Variants in SYNE1 observed in about 807,000 individuals in gnomAD.
SYNE1 encodes the protein nesprin-1.
A neutral mutation model predicts 1,111.0 loss-of-function variants in SYNE1; 616 were observed. The ratio of observed to expected loss-of-function variants is 0.55; its 90% CI spans 0.52 to 0.59. SYNE1 has a LOEUF of 0.59. Ranked by LOEUF, SYNE1 falls within the 20% of genes least tolerant of loss-of-function variation. The probability of loss-of-function intolerance (pLI) is 0.00; values close to 1 mark genes in which losing one functional copy is unlikely to be tolerated. For synonymous variants in SYNE1, 3,855 were observed against 3,825.8 expected (o/e 1.01, Z -0.28); for missense variants, 10,006 against 10,417.0 (o/e 0.96, Z 1.72).
At chr6:152,313,545 G>A (rs1167720088) in intron 87 of SYNE1, among the ~76,000 whole-genome samples, 6 of 149,578 alleles carry the variant, frequency 4.0e-5, no homozygotes, top group African/African-American at 1.5e-4. Flanking sequence ...TCACTGCAAC[G>A]GCTGCCTCCC....
intron 145 of SYNE1, chr6:152,126,495 C>G (rs1000291944): frequency 2.6e-5 from 4 of 152,138 alleles, no homozygotes; most frequent in African/African-American, 4.8e-5. Flanking sequence ...ACATGGATGC[C>G]AGTTTAGATT....
chr6:152,336,341 C>A (rs1485637887), intron 76 of SYNE1: 3 of 194,032 alleles, frequency 1.5e-5, no homozygotes, highest in Non-Finnish European at 3.2e-5. Flanking sequence ...TCCCTGGCAC[C>A]AAATGATGTT....
At chr6:152,307,058 C>T (rs760778431) in intron 91 of SYNE1, among the ~76,000 whole-genome samples, 3 of 152,122 alleles carry the variant, frequency 2.0e-5, no homozygotes, top group Non-Finnish European at 2.9e-5. Flanking sequence ...TTGGATCTTC[C>T]TAGATGGGAT....
intron 39 of SYNE1, among the ~76,000 whole-genome samples, chr6:152,420,991 C>T (rs775579330): frequency 2.0e-5 from 3 of 152,148 alleles, no homozygotes; most frequent in Non-Finnish European, 4.4e-5. Flanking sequence ...TCACAGGACA[C>T]AATTGGAAAC....
At chr6:152,345,857 A>G (rs995702378) in intron 73 of SYNE1, among the ~76,000 whole-genome samples, 5 of 152,178 alleles carry the variant, frequency 3.3e-5, no homozygotes, top group African/African-American at 1.2e-4. Context: ...CTAAAACATT[A>G]AGAATTCTGT....
intron 3 of SYNE1, among the ~76,000 whole-genome samples, chr6:152,601,086 G>A (rs373416551): frequency 2.0e-5 from 3 of 152,158 alleles, no homozygotes; most frequent in East Asian, 1.9e-4. Flanking sequence ...TTCTCCCTCT[G>A]AGAAGTGAGG....
intron 145 of SYNE1, among the ~76,000 whole-genome samples, chr6:152,124,566 T>A (rs889060266): frequency 6.6e-6 from 1 of 152,248 alleles, no homozygotes; most frequent in African/African-American, 2.4e-5. Flanking sequence ...TCGATGTTTT[T>A]GTCTTCTACT....
At chr6:152,310,074 G>A in intron 89 of SYNE1, 57 bp from the exon 90 acceptor site, 1 of 1,543,424 alleles carries the variant, frequency 6.5e-7, no homozygotes, top group South Asian at 1.2e-5. Context: ...TATTTCATAA[G>A]CAAAAGGCAC....
chr6:152,251,487 G>A (rs902678147), intron 104 of SYNE1, among the ~76,000 whole-genome samples: 13 of 151,998 alleles, frequency 8.6e-5, no homozygotes, highest in Admixed American at 2.0e-4. Flanking sequence ...GGCCGGGCGC[G>A]GTGGCTCACG....
chr6:152,391,382 C>T lies in SYNE1; in HGVS notation c.7899G>A (p.Leu2633=). 1.2e-6 allele frequency: 2 copies of T among 1,614,050 alleles called. No individual in the cohort carries two copies. Among genetic ancestry groups the T allele is most frequent in the Non-Finnish European group, 1.7e-6 (2 of 1,179,996 alleles). The change falls in exon 52 of 146, where the codon CTG becomes CTA. Residue 2633 remains leucine (L), a synonymous_variant. Transcript: ENST00000367255. The part of the protein sequence containing the change: ...LQEHEALEEA[L]QSMWFWVKAI... ...CCTTCACCCAGAACCACATGCTTTG[C>T]AGTGCTTCCTCCAGGGCTTCGTGCT... is the stretch of plus-strand genomic sequence containing the variant.
chr6:152,535,331 T>C (rs535962210), intron 4 of SYNE1, among the ~76,000 whole-genome samples: 12 of 152,336 alleles, frequency 7.9e-5, no homozygotes, highest in African/African-American at 2.6e-4. Context: ...AATAATGTTT[T>C]ATAAATTTTT....
chr6:152,341,218 A>G (rs1176511451), intron 74 of SYNE1, among the ~76,000 whole-genome samples: 3 of 152,208 alleles, frequency 2.0e-5, no homozygotes, highest in Non-Finnish European at 4.4e-5. Context: ...GTGCACAAGT[A>G]CCACATCATG....
rs148295255 is a variant in SYNE1 at position 152,471,598 on chromosome 6, A to G, written c.1631T>C (p.Val544Ala). The G allele has an allele frequency of 6.8e-6, 11 of 1,613,696 alleles. No homozygotes were observed. The highest frequency in any genetic ancestry group is 9.3e-6 in the Non-Finnish European group (11 of 1,179,750). ...ESVEQLLQNY[V>A]SFIENSKFFE... ...TCTGTCAAAGCACGGGGGACTCACCACGTAGTTTTGTAGAAGCTGCTCCAC... is the reference window on the plus strand; with the variant it reads ...TCTGTCAAAGCACGGGGGACTCACCGCGTAGTTTTGTAGAAGCTGCTCCAC... Residue 544 changes from valine (V) to alanine (A), a missense_variant and splice_region_variant, in exon 16 of 146, where the codon GTG (valine) becomes GCG (alanine). Val to Ala is a moderately conservative substitution (Grantham distance 64, BLOSUM62 0). Around this residue, in one of 7 missense-constraint regions of SYNE1, gnomAD observed 1,971 missense variants for 2,084.1 expected, o/e 0.95. Transcript: ENST00000367255.
At chr6:152,231,983 A>T in intron 113 of SYNE1, 133 bp downstream of exon 113, 3 of 648,658 alleles carry the variant, frequency 4.6e-6, no homozygotes, top group African/African-American at 1.8e-5. Context: ...TTTTCTTGCT[A>T]TTGAATTCCT....
At chr6:152,209,051 G>A (rs1462229829) in intron 124 of SYNE1, among the ~76,000 whole-genome samples, 1 of 152,100 alleles carries the variant, frequency 6.6e-6, no homozygotes, top group African/African-American at 2.4e-5. Context: ...GTAAGAGTCT[G>A]TCCCGCATGA....
intron 4 of SYNE1, among the ~76,000 whole-genome samples, chr6:152,534,480 A>G (rs2099224032): frequency 6.6e-6 from 1 of 152,168 alleles, no homozygotes; most frequent in African/African-American, 2.4e-5. Context: ...ATTAAGATAT[A>G]ATTGACAAAT....
intron 105 of SYNE1, among the ~76,000 whole-genome samples, chr6:152,247,508 C>CA (rs1562481934): frequency 6.6e-6 from 1 of 151,382 alleles, no homozygotes; most frequent in Non-Finnish European, 1.5e-5. Context: ...AGAAAAAAAA[C>CA]AAAAAGATTT....
intron 3 of SYNE1, among the ~76,000 whole-genome samples, chr6:152,570,096 ACT>A (rs1374272634): frequency 3.3e-5 from 5 of 152,188 alleles, no homozygotes; most frequent in East Asian, 1.9e-4. Context: ...CTGTGTGACA[ACT>A]CTGCTGAATT....
intron 3 of SYNE1, among the ~76,000 whole-genome samples, chr6:152,590,257 C>A (rs1053937168): frequency 1.3e-5 from 2 of 151,716 alleles, no homozygotes; most frequent in Non-Finnish European, 2.9e-5. Flanking sequence ...ATTACTATAA[C>A]TTTGTAAACT....
Sources: gnomAD v4.1 joint callset for allele counts (sites outside exome capture counted in the v4.1 genomes callset) on GRCh38, gnomAD v4.1.1 for gene constraint, gnomAD v4.1.1 regional missense constraint, MANE v1.5 for transcripts, NCBI Gene and HGNC (gene_info 2026-07-23, HGNC 2026-07-21) for gene names.